The following SS18 variants were observed in gnomAD, a reference collection of about 807,000 sequenced individuals.
SS18 encodes protein SSXT.
In SS18, 28 loss-of-function variants were observed where a neutral mutation model predicts 72.5. That is an observed-to-expected ratio of 0.39 (90% CI 0.29 to 0.53). The LOEUF (loss-of-function observed/expected upper bound fraction) is 0.53, where lower values mean the gene tolerates loss of function less well. SS18 is among the 20% of genes least tolerant of loss of function. The probability of loss-of-function intolerance (pLI) is 0.76; values close to 1 mark genes in which losing one functional copy is unlikely to be tolerated. For synonymous variants in SS18, 172 were observed against 164.2 expected, an observed-to-expected ratio of 1.05 and a Z score of -0.37; for missense variants, 518 against 535.3, an observed-to-expected ratio of 0.97 and a Z score of 0.32.
At chr18:26,087,957 G>A (rs1039566723) in intron 1 of SS18, among the ~76,000 whole-genome samples, 3 of 151,940 alleles carry the variant, frequency 2.0e-5, no homozygotes, top group Non-Finnish European at 4.4e-5. Context: ...CAGTTCATAC[G>A]GACAATCTTT....
At position 26,071,566 on chromosome 18, in the gene SS18, C is replaced by G. The variant is rs116640713; in HGVS notation, c.231+6510G>C. Among the ~76,000 whole-genome samples the G allele has an allele frequency of 8.2e-3, 1,255 of 152,266 alleles. 16 individuals carry two copies. Among genetic ancestry groups the G allele is most frequent in the African/African-American group, 0.029 (1,198 of 41,554 alleles). Reference sequence around the variant, plus strand: ...TCATGGTGAGCCAGGTGTGGTGGCTCATGCCTACAATCCCAGAACTTTGGG... The same window carrying G: ...TCATGGTGAGCCAGGTGTGGTGGCTGATGCCTACAATCCCAGAACTTTGGG... On this transcript the variant is annotated intron_variant, in intron 3 of 10. Transcript: ENST00000415083.
intron 5 of SS18, among the ~76,000 whole-genome samples, chr18:26,048,432 T>C (rs570144792): frequency 6.6e-6 from 1 of 152,304 alleles, no homozygotes; most frequent in African/African-American, 2.4e-5. Context: ...GATCTATATA[T>C]ACGAATAGCG....
chr18:26,016,722 T>C lies in SS18; in HGVS notation c.*1632A>G. The C allele has an allele frequency of 4.7e-6, 1 of 210,650 alleles. No individual in the cohort carries two copies. The allele number at this position is 210,650 out of a possible 1,614,324, so 13.0% of individuals were successfully genotyped here. A position where few individuals can be genotyped will look rare whatever the true frequency, so the allele number is the denominator to read the frequency against. The stretch of plus-strand genomic sequence containing the variant: ...TGGGCGACAAGAGCAAGACTCCATC[T>C]CAAAAAAAAAAACAAAGAACAAAAA... On this transcript the variant is annotated 3_prime_UTR_variant, in exon 11 of 11. Transcript: ENST00000415083.
rs578021659 is a variant in SS18 at position 26,032,082 on chromosome 18, T to G, written c.1230+317A>C. Among the ~76,000 whole-genome samples the G allele has an allele frequency of 3.9e-5, 6 of 152,212 alleles. No homozygotes were observed. In the South Asian group the frequency reaches 1.2e-3, roughly 32 times the overall value. Reference sequence around the variant, plus strand: ...AATGGTAAATATGATAAACTCTCTATCTATACTTTACCTCAGTAAACAAAG... The same window carrying G: ...AATGGTAAATATGATAAACTCTCTAGCTATACTTTACCTCAGTAAACAAAG... On this transcript the variant is annotated intron_variant, in intron 10 of 10. Transcript: ENST00000415083.
intron 5 of SS18, among the ~76,000 whole-genome samples, chr18:26,040,223 C>T (rs2053700443): frequency 1.3e-5 from 2 of 152,138 alleles, no homozygotes; most frequent in Admixed American, 1.3e-4. Flanking sequence ...ACTGGGGTAG[C>T]CAAACTACCA....
chr18:26,051,847 A>T (rs193180794), intron 5 of SS18, among the ~76,000 whole-genome samples: 200 of 152,336 alleles, frequency 1.3e-3, no homozygotes, highest in South Asian at 4.3e-3. Context: ...ATCATAAGGA[A>T]TTATCAACAG....
At chr18:26,054,191 A>G (rs12971135) in intron 4 of SS18, among the ~76,000 whole-genome samples, 1 of 152,296 alleles carries the variant, frequency 6.6e-6, no homozygotes, top group Admixed American at 6.5e-5. Flanking sequence ...AAGTATGTAC[A>G]TGTTCAATAC....
chr18:26,018,290 C>CCACAGTGCTGA lies in SS18; in HGVS notation c.*53_*63dup. The CCACAGTGCTGA allele has an allele frequency of 7.2e-7, 1 of 1,389,636 alleles. No homozygotes were observed. 86.1% of individuals were successfully genotyped at this position (1,389,636 alleles called of 1,614,324 possible). ...GAAGGATCTCTTCACAGGGAGGTGT[C>CCACAGTGCTGA]CACAGTGCTGAGGTGACAATATGGC... On this transcript the variant is annotated 3_prime_UTR_variant, in exon 11 of 11. Transcript: ENST00000415083.
Position 26,075,956 on chromosome 18 carries a change from T to TA in SS18, c.231+2119dup, listed in dbSNP as rs553190386. Among the ~76,000 whole-genome samples, 11 of 151,958 alleles carry TA rather than the reference T, an allele frequency of 7.2e-5. No homozygotes were observed. In the South Asian group the frequency reaches 2.3e-3, roughly 31 times the overall value. ...AAACTTAAAAGACAAAGATTCGATT[T>TA]AAAATGGCCTCAAAAAATATAAAGT... is the stretch of plus-strand genomic sequence containing the variant. On this transcript the variant is annotated intron_variant, in intron 3 of 10. Transcript: ENST00000415083.
intron 10 of SS18, among the ~76,000 whole-genome samples, chr18:26,027,081 C>T (rs1396471640): frequency 6.6e-6 from 1 of 152,164 alleles, no homozygotes; most frequent in African/African-American, 2.4e-5. Context: ...TACGTACAAA[C>T]TGACAAGCTG....
At chr18:26,025,641 A>G (rs2053433056) in intron 10 of SS18, among the ~76,000 whole-genome samples, 1 of 152,126 alleles carries the variant, frequency 6.6e-6, no homozygotes, top group Non-Finnish European at 1.5e-5. Context: ...TACTCAAGAA[A>G]AAAATAGATA....
At position 26,055,570 on chromosome 18, in the gene SS18, T is replaced by C. The variant is rs117389818; in HGVS notation, c.385+2019A>G. ...AAGTAGCTCTAAAACTGAGTCTACATAATGAAATATACATTAAAAACCAAA... is the reference window on the plus strand; with the variant it reads ...AAGTAGCTCTAAAACTGAGTCTACACAATGAAATATACATTAAAAACCAAA... On this transcript the variant is annotated intron_variant, in intron 4 of 10. Coordinates refer to ENST00000415083, the MANE Select transcript of SS18 (RefSeq NM_001007559.3). Among the ~76,000 whole-genome samples, 617 of 152,280 alleles carry C rather than the reference T, an allele frequency of 4.1e-3. 22 individuals are homozygous for C. In the East Asian group the frequency reaches 0.063, roughly 15 times the overall value.
rs2053613275 is a variant in SS18 at position 26,035,607 on chromosome 18, GT to G, written c.973+223del. 2.6e-6 allele frequency: 1 copy of G among 381,670 alleles called. No homozygotes were observed. Among genetic ancestry groups the G allele is most frequent in the Non-Finnish European group, 4.7e-6 (1 of 214,558 alleles). The allele number at this position is 381,670 out of a possible 1,614,324, so 23.6% of individuals were successfully genotyped here. ...CACTGAGGAAAAAATTATCTTTAAT[GT>G]TTTAGTCTTTTTATTATTGTTAGAA... is the stretch of plus-strand genomic sequence containing the variant. On this transcript the variant is annotated intron_variant, in intron 8 of 10. Coordinates refer to ENST00000415083, the MANE Select transcript of SS18 (RefSeq NM_001007559.3). The surrounding 1 kb of genome is among the most constrained non-coding windows in gnomAD (Gnocchi z 4.4).
intron 6 of SS18, 23 bp from the exon 7 acceptor site, chr18:26,038,682 G>C: frequency 6.3e-7 from 1 of 1,578,786 alleles, no homozygotes; most frequent in Non-Finnish European, 8.7e-7. Context: ...AACCAGTCAA[G>C]ATATAAATAA....
intron 10 of SS18, among the ~76,000 whole-genome samples, chr18:26,019,529 G>C (rs1329854529): frequency 1.3e-5 from 2 of 152,026 alleles, no homozygotes; most frequent in African/African-American, 4.8e-5. Flanking sequence ...GGATTTTATG[G>C]GCCAGGCATG....
At position 26,017,889 on chromosome 18, in the gene SS18, C is replaced by T. The variant is rs1291425646; in HGVS notation, c.*465G>A. The stretch of plus-strand genomic sequence containing the variant: ...AGAGGATTTCTGATGCTGTCCAGTG[C>T]GTAGTGTACCGCCTTGCATATTCAC... On this transcript the variant is annotated 3_prime_UTR_variant, in exon 11 of 11. Coordinates refer to ENST00000415083, the MANE Select transcript of SS18 (RefSeq NM_001007559.3). 2 of 233,198 alleles carry T rather than the reference C, an allele frequency of 8.6e-6. No individual in the cohort carries two copies. The highest frequency in any genetic ancestry group is 6.2e-5 in the East Asian group (1 of 16,036). The allele number at this position is 233,198 out of a possible 1,614,324, so 14.4% of individuals were successfully genotyped here.
At chr18:26,056,865 T>C (rs1318347669) in intron 4 of SS18, among the ~76,000 whole-genome samples, 3 of 152,194 alleles carry the variant, frequency 2.0e-5, no homozygotes, top group African/African-American at 7.2e-5. Flanking sequence ...AACAAAATAG[T>C]GTAAAGATAC....
In SS18 at chr18:26,054,569, A is replaced by G. The variant is rs190043938; in HGVS notation, c.386-1724T>C. 2.6e-3 allele frequency among the ~76,000 whole-genome samples: 394 copies of G among 152,322 alleles called. 3 individuals are homozygous for G. The highest frequency in any genetic ancestry group is 8.8e-3 in the African/African-American group (364 of 41,564). ...AAAAAGAACATGATAGAGACCAAAA[A>G]GAATAAGGCATCTATTTACATATGG... On this transcript the variant is annotated intron_variant, in intron 4 of 10. Transcript: ENST00000415083.
Position 26,090,510 on chromosome 18 carries a change from C to T in SS18, c.60G>A (p.Ala20=). Residue 20 remains alanine, a synonymous_variant, in exon 1 of 11, where the codon GCG becomes GCA. Transcript: ENST00000415083. ...QRGKGEITPA[A]IQKMLDDNNH... is the part of the protein sequence containing the mutation. ...CCCCGCGCGGTTTCACCTTCTGAAT[C>T]GCAGCGGGAGTGATCTCCCCCTTGC... 1 of 1,577,882 alleles carries T rather than the reference C, an allele frequency of 6.3e-7. No individual in the cohort carries two copies. Among genetic ancestry groups the T allele is most frequent in the Non-Finnish European group, 8.6e-7 (1 of 1,162,080 alleles).
Sources: gnomAD v4.1 joint callset for allele counts (sites outside exome capture counted in the v4.1 genomes callset) on GRCh38, gnomAD v4.1.1 for gene constraint, Gnocchi (gnomAD v3.1) non-coding constraint, MANE v1.5 for transcripts, NCBI Gene and HGNC (gene_info 2026-07-23, HGNC 2026-07-21) for gene names.